SRSF11: variants seen among roughly 807,000 people sequenced by gnomAD.
SRSF11 encodes the protein serine and arginine rich splicing factor 11, also known as serine/arginine-rich splicing factor 11.
Under a neutral mutation model 56.0 loss-of-function variants are expected in SRSF11, and 9 were observed. That is an observed-to-expected ratio of 0.16 (90% CI 0.10 to 0.28). SRSF11 has a LOEUF of 0.28. SRSF11 is among the 10% of genes least tolerant of loss of function. SRSF11 has a pLI of 1.00. For synonymous variants in SRSF11, 222 were observed against 215.3 expected (o/e 1.03, Z -0.27); for missense variants, 421 against 600.7 (o/e 0.70, Z 3.13).
chr1:70,248,141 CAT>C (rs1305489033), intron 9 of SRSF11, among the ~76,000 whole-genome samples: 7 of 152,018 alleles, frequency 4.6e-5, no homozygotes. Flanking sequence ...AAATGTTAAA[CAT>C]AGAGGTTTTT....
Position 70,251,097 on chromosome 1 carries a change from A to T in SRSF11, c.*292A>T. The stretch of plus-strand genomic sequence containing the variant: ...AAAGCTGCATGCATCTACAGCAGGC[A>T]TGGATTGTTTATGTCGTATGATATC... On this transcript the variant is annotated 3_prime_UTR_variant, in exon 12 of 12. Transcript: ENST00000370949. The T allele has an allele frequency of 6.2e-6, 2 of 320,838 alleles. No individual in the cohort carries two copies. Among genetic ancestry groups the T allele is most frequent in the Non-Finnish European group, 1.2e-5 (2 of 172,550 alleles). The allele number at this position is 320,838 out of a possible 1,614,324, so 19.9% of individuals were successfully genotyped here.
chr1:70,217,979 T>G (rs1670169749), upstream of SRSF11, among the ~76,000 whole-genome samples: 1 of 152,010 alleles, frequency 6.6e-6, no homozygotes, highest in Admixed American at 6.6e-5. Flanking sequence ...TGTTTGTTTT[T>G]TGTGTGTGTT....
chr1:70,225,834 T>C (rs997381978), intron 1 of SRSF11, among the ~76,000 whole-genome samples: 17 of 152,172 alleles, frequency 1.1e-4, no homozygotes, highest in African/African-American at 3.4e-4. Context: ...CGGAGTAAAA[T>C]ATGTGTCGTA....
intron 1 of SRSF11, among the ~76,000 whole-genome samples, chr1:70,222,132 T>C (rs925005401): frequency 6.6e-6 from 1 of 151,976 alleles, no homozygotes; most frequent in African/African-American, 2.4e-5. Context: ...AACGCAAGAC[T>C]AACCGCAGTC....
intron 7 of SRSF11, among the ~76,000 whole-genome samples, chr1:70,239,948 G>A (rs1674951933): frequency 6.6e-6 from 1 of 152,068 alleles, no homozygotes; most frequent in Non-Finnish European, 1.5e-5. Flanking sequence ...AATTTTCTCA[G>A]ATTTTTATCA....
chr1:70,226,992 G>A (rs1214178836), intron 1 of SRSF11, among the ~76,000 whole-genome samples: 2 of 152,160 alleles, frequency 1.3e-5, no homozygotes, highest in African/African-American at 2.4e-5. Context: ...CTTGCTTGTG[G>A]ATATCCTGTT....
chr1:70,229,811 T>C (rs1405900223), intron 2 of SRSF11: 1 of 983,698 alleles, frequency 1.0e-6, no homozygotes, highest in Non-Finnish European at 1.2e-6. Flanking sequence ...TATTTATAAA[T>C]GGGTTAAGAC....
rs1200052634 is a variant in SRSF11 at position 70,251,126 on chromosome 1, T to C, written c.*321T>C. The C allele has an allele frequency of 4.4e-6, 1 of 227,876 alleles. No homozygotes were observed. The highest frequency in any genetic ancestry group is 8.7e-6 in the Non-Finnish European group (1 of 114,402). The allele number at this position is 227,876 out of a possible 1,614,324, so 14.1% of individuals were successfully genotyped here. A position where few individuals can be genotyped will look rare whatever the true frequency, so the allele number is the denominator to read the frequency against. On this transcript the variant is annotated 3_prime_UTR_variant, in exon 12 of 12. Coordinates refer to ENST00000370949, the MANE Select transcript of SRSF11 (RefSeq NM_001350605.2). ...ATTGTTTATGTCGTATGATATCCTTTATTAAGTAAGTTCACTTATAGTATT... is the reference window on the plus strand; with the variant it reads ...ATTGTTTATGTCGTATGATATCCTTCATTAAGTAAGTTCACTTATAGTATT...
chr1:70,207,348 A>G (rs1327986044), intron 1 of SRSF11, among the ~76,000 whole-genome samples: 1 of 152,282 alleles, frequency 6.6e-6, no homozygotes, highest in South Asian at 2.1e-4. Flanking sequence ...TATTTAACAC[A>G]GTGACTAATT....
chr1:70,250,728 G>A lies in SRSF11; in HGVS notation c.1378G>A (p.Gly460Arg), dbSNP rs1265664224. The change falls in exon 12 of 12, where the codon GGA becomes AGA. Residue 460 changes from glycine to arginine, a missense_variant. By Grantham distance (125) the Gly-to-Arg change is moderately radical. Coordinates refer to ENST00000370949, the MANE Select transcript of SRSF11 (RefSeq NM_001350605.2). ...PKTKECSVEK[G>R]TGDSLRESKV... Reference sequence around the variant, plus strand: ...AACAAAGGAATGTTCTGTGGAAAAGGGAACTGGTGATTCACTAAGAGAATC... The same window carrying A: ...AACAAAGGAATGTTCTGTGGAAAAGAGAACTGGTGATTCACTAAGAGAATC... 47 of 1,613,876 alleles carry A rather than the reference G, an allele frequency of 2.9e-5. No homozygotes were observed. Among genetic ancestry groups the A allele is most frequent in the Non-Finnish European group, 4.0e-5 (47 of 1,179,952 alleles).
intron 3 of SRSF11, among the ~76,000 whole-genome samples, chr1:70,233,629 A>ATT (rs1673319323): frequency 6.6e-6 from 1 of 152,238 alleles, no homozygotes; most frequent in Admixed American, 6.5e-5. Flanking sequence ...TTAACACAGC[A>ATT]TTTTGCCTGT....
intron 8 of SRSF11, chr1:70,246,588 T>G (rs1676820436): frequency 3.0e-6 from 1 of 330,346 alleles, no homozygotes; most frequent in South Asian, 9.0e-5. Context: ...TCACCCATAG[T>G]CTACTTTAGT....
At position 70,250,500 on chromosome 1, in the gene SRSF11, A is replaced by C. The variant is rs41287904; in HGVS notation, c.1254A>C (p.Val418=). 5.7e-3 allele frequency: 9,094 copies of C among 1,605,904 alleles called. 48 individuals are homozygous for C. Among genetic ancestry groups the C allele is most frequent in the Non-Finnish European group, 7.3e-3 (8,589 of 1,174,284 alleles). ...RERKSESDKD[V]KQVTRDYDEE... is the part of the protein sequence containing the mutation. ...GAAAATCAGAGAGTGATAAAGATGT[A>C]AAAGTATGTTTACAAATTGATTTAT... Residue 418 remains valine, a synonymous_variant, in exon 11 of 12, where the codon GTA becomes GTC. Coordinates refer to ENST00000370949, the MANE Select transcript of SRSF11 (RefSeq NM_001350605.2).
chr1:70,250,407 T>C lies in SRSF11; in HGVS notation c.1161T>C (p.Ser387=), dbSNP rs149443649. 261 of 1,600,092 alleles carry C rather than the reference T, an allele frequency of 1.6e-4. No individual in the cohort carries two copies. In the African/African-American group the frequency reaches 3.2e-3, roughly 20 times the overall value. ...EKKKDKDKER[S]RDERERSTSK... The stretch of plus-strand genomic sequence containing the variant: ...AGAAAGATAAAGACAAAGAAAGAAG[T>C]AGGGATGAAAGAGAACGATCAACAA... Residue 387 remains serine (S), a synonymous_variant, in exon 11 of 12, where the codon AGT becomes AGC. Transcript: ENST00000370949.
At chr1:70,212,632 GC>G (rs1394870529) in intron 1 of SRSF11, among the ~76,000 whole-genome samples, 1 of 152,170 alleles carries the variant, frequency 6.6e-6, no homozygotes, top group Non-Finnish European at 1.5e-5. Flanking sequence ...TATTGCAGTA[GC>G]CTCTTAAAGG....
At chr1:70,232,724 G>A (rs915699552) in intron 3 of SRSF11, among the ~76,000 whole-genome samples, 2 of 152,110 alleles carry the variant, frequency 1.3e-5, no homozygotes, top group African/African-American at 4.8e-5. Context: ...AATTTCACAA[G>A]TGAGCCCTTC....
At chr1:70,243,331 G>A (rs1276854483) in intron 7 of SRSF11, among the ~76,000 whole-genome samples, 1 of 96,986 alleles carries the variant, frequency 1.0e-5, no homozygotes, top group African/African-American at 4.1e-5. Context: ...ACATTTGGTT[G>A]GTGGCAAAAA....
intron 4 of SRSF11, 149 bp downstream of exon 4, chr1:70,234,937 CTGAA>C: frequency 1.7e-6 from 1 of 589,950 alleles, no homozygotes; most frequent in Non-Finnish European, 2.9e-6. Context: ...TAAACAGTCA[CTGAA>C]TGACTAACTC....
At chr1:70,231,389 GT>G in intron 2 of SRSF11, 1 of 1,058,500 alleles carries the variant, frequency 9.4e-7, no homozygotes, top group Non-Finnish European at 1.1e-6. Flanking sequence ...ATAAATATTT[GT>G]TTTAGGACCC....
Sources: gnomAD v4.1 joint callset for allele counts (sites outside exome capture counted in the v4.1 genomes callset) on GRCh38, gnomAD v4.1.1 for gene constraint, MANE v1.5 for transcripts, NCBI Gene and HGNC (gene_info 2026-07-23, HGNC 2026-07-21) for gene names.